The following PRSS36 variants were observed in gnomAD, a reference collection of about 807,000 sequenced individuals.
PRSS36 encodes serine protease 36, also known as polyserase-2.
Under a neutral mutation model 94.3 loss-of-function variants are expected in PRSS36, and 90 were observed. The observed-to-expected ratio is 0.95, with a 90% CI of 0.80 to 1.14. The LOEUF (loss-of-function observed/expected upper bound fraction) is 1.14. Ranked by LOEUF, PRSS36 falls within the 50% of genes most tolerant of loss-of-function variation. PRSS36 has a pLI of 0.00. For missense variants in PRSS36, 1,158 were observed against 1,135.0 expected, an observed-to-expected ratio of 1.02 and a Z score of -0.29; for synonymous variants, 500 against 489.6, an observed-to-expected ratio of 1.02 and a Z score of -0.28.
At chr16:31,144,981 G>A (rs1202011629) in intron 6 of PRSS36, among the ~76,000 whole-genome samples, 3 of 152,148 alleles carry the variant, frequency 2.0e-5, no homozygotes, top group Admixed American at 6.6e-5. Context: ...CAGCTACTTG[G>A]GAGGCTGAAG....
At position 31,142,594 on chromosome 16, in the gene PRSS36, A is replaced by T; in HGVS notation, c.1408T>A (p.Trp470Arg). The change falls in exon 10 of 15, where the codon TGG becomes AGG. Residue 470 changes from tryptophan to arginine, a missense_variant. Trp to Arg is a moderately radical substitution (Grantham distance 101). Coordinates refer to ENST00000268281, the MANE Select transcript of PRSS36 (RefSeq NM_173502.5). ...ALLEAELLGG[W>R]WCHCLYGRQG... ...CGGCCGTACAGGCAGTGGCACCACC[A>T]GCCGCCTAACAGCTCCGCCTCCAGC... The T allele has an allele frequency of 6.6e-7, 1 of 1,520,434 alleles. No individual in the cohort carries two copies. The highest frequency in any genetic ancestry group is 8.8e-7 in the Non-Finnish European group (1 of 1,138,602). The allele number at this position is 1,520,434 out of a possible 1,614,324, so 94.2% of individuals were successfully genotyped here.
intron 4 of PRSS36, 102 bp from the exon 5 acceptor site, chr16:31,148,777 A>T (rs1465643819): frequency 8.8e-6 from 13 of 1,482,514 alleles, no homozygotes; most frequent in Non-Finnish European, 1.2e-5. Context: ...GTGCTATCCG[A>T]TCCAGATTTG....
At position 31,148,420 on chromosome 16, in the gene PRSS36, G is replaced by A. The variant is rs1372220504; in HGVS notation, c.528C>T (p.Thr176=). ...CTGCCTCCTGGACGTCTCCCCAGCC[G>A]GTGGCCCAGCAGGCGGTGCCGTGCA... ...RFVHGTACWA[T]GWGDVQEADP... is the part of the protein sequence containing the mutation. The change falls in exon 5 of 15, where the codon ACC becomes ACT. Residue 176 remains threonine, a synonymous_variant. Transcript: ENST00000268281. 7.0e-6 allele frequency: 11 copies of A among 1,572,040 alleles called. No individual in the cohort carries two copies. Among genetic ancestry groups the A allele is most frequent in the African/African-American group, 5.4e-5 (4 of 73,468 alleles).
rs752069199 is a variant in PRSS36 at position 31,143,434 on chromosome 16, C to T, written c.1008G>A (p.Trp336Ter). The change falls in exon 8 of 15, where the codon TGG becomes TGA. Residue 336 changes from tryptophan to a stop codon, truncating the protein, a stop_gained. Coordinates refer to ENST00000268281, the MANE Select transcript of PRSS36 (RefSeq NM_173502.5). LOFTEE classifies it high-confidence loss of function. ...GKAPRPGAWP[W>*]EAQVMVPGSR... ...ATCCTGGCACCATCACCTGGGCCTC[C>T]CAGGGCCAGGCCCCTGGCCGCGGGG... The T allele has an allele frequency of 3.1e-6, 5 of 1,612,402 alleles. No homozygotes were observed. The highest frequency in any genetic ancestry group is 4.2e-6 in the Non-Finnish European group (5 of 1,179,400).
chr16:31,141,997 G>A (rs781231238), intron 10 of PRSS36, 37 bp from the exon 11 acceptor site: 1 of 1,570,232 alleles, frequency 6.4e-7, no homozygotes, highest in Non-Finnish European at 8.8e-7. Flanking sequence ...TTGCCTCTGC[G>A]TGTGTGCAGA....
intron 3 of PRSS36, 66 bp from the exon 4 acceptor site, chr16:31,149,301 T>A: frequency 6.6e-7 from 1 of 1,512,944 alleles, no homozygotes; most frequent in Middle Eastern, 1.9e-4. Context: ...CCCAGGTAAC[T>A]CAGGACGAAG....
In PRSS36 at chr16:31,140,653, CG is replaced by C; in HGVS notation, c.2005del (p.Arg669GlyfsTer17). 1 of 1,613,788 alleles carries C rather than the reference CG, an allele frequency of 6.2e-7. No individual in the cohort carries two copies. Among genetic ancestry groups the C allele is most frequent in the Non-Finnish European group, 8.5e-7 (1 of 1,179,880 alleles). Reference protein sequence around the residue: ...HQVSRLVISIRLPQHLGLRPP... With the variant: ...HQVSRLVISIXLPQHLGLRPP... ...CCTGAGTCCCAGGTGCTGGGGCAGCCGGATGCTGATGACCAAGCGGGATACC... is the reference window on the plus strand; with the variant it reads ...CCTGAGTCCCAGGTGCTGGGGCAGCCGATGCTGATGACCAAGCGGGATACC... On this transcript the variant is annotated frameshift_variant, in exon 13 of 15. Transcript: ENST00000268281. LOFTEE classifies it high-confidence loss of function.
chr16:31,141,392 C>CAAACAA, intron 12 of PRSS36, 77 bp downstream of exon 12: 1 of 1,480,992 alleles, frequency 6.8e-7, no homozygotes, highest in Non-Finnish European at 9.0e-7. Context: ...AACAAACAAA[C>CAAACAA]AAATAACAAA....
chr16:31,148,251 TCCACCGAC>T (rs1405851086), intron 5 of PRSS36, 136 bp downstream of exon 5: 1 of 875,114 alleles, frequency 1.1e-6, no homozygotes, highest in African/African-American at 1.8e-5. Flanking sequence ...GTGGGATTCA[TCCACCGAC>T]CCGCAGAAAC....
At position 31,141,858 on chromosome 16, in the gene PRSS36, G is replaced by A; in HGVS notation, c.1624C>T (p.Pro542Ser). Reference sequence around the variant, plus strand: ...ATCCATGGGCCATGAGTCTGCAGAGGGAAGAAGGCTCGGGGACGTAGACAG... The same window carrying A: ...ATCCATGGGCCATGAGTCTGCAGAGAGAAGAAGGCTCGGGGACGTAGACAG... ...SGCLRPRAFF[P>S]LQTHGPWISH... Residue 542 changes from proline to serine, a missense_variant, in exon 11 of 15, where the codon CCT (proline) becomes TCT (serine). Transcript: ENST00000268281. 3 of 1,614,160 alleles carry A rather than the reference G, an allele frequency of 1.9e-6. No homozygotes were observed. Among genetic ancestry groups the A allele is most frequent in the Non-Finnish European group, 2.5e-6 (3 of 1,180,038 alleles).
chr16:31,140,473 C>T lies in PRSS36; in HGVS notation c.2167+19G>A, dbSNP rs201635116. On this transcript the variant is annotated intron_variant, in intron 13 of 14. Transcript: ENST00000268281. ...CTGGCCTCCAGCTACTCCTCGTTCC[C>T]GTGACCCAGGGGTCTCACCTCGGTC... 6.6e-4 allele frequency: 1,052 copies of T among 1,595,412 alleles called. 1 individual carries two copies. The highest frequency in any genetic ancestry group is 7.8e-4 in the Non-Finnish European group (911 of 1,170,090).
chr16:31,149,683 C>T lies in PRSS36; in HGVS notation c.73+13G>A, dbSNP rs959237069. On this transcript the variant is annotated intron_variant, in intron 2 of 14. Coordinates refer to ENST00000268281, the MANE Select transcript of PRSS36 (RefSeq NM_173502.5). ...CCTCTGCACGTGACTTTCCCCCAGT[C>T]CGGCTACCTTACCTGAGTCCTGGAA... The T allele has an allele frequency of 6.2e-7, 1 of 1,614,042 alleles. No homozygotes were observed. Among genetic ancestry groups the T allele is most frequent in the African/African-American group, 1.3e-5 (1 of 74,914 alleles).
chr16:31,146,995 A>C (rs2144042200), intron 5 of PRSS36, among the ~76,000 whole-genome samples: 1 of 152,270 alleles, frequency 6.6e-6, no homozygotes, highest in East Asian at 1.9e-4. Context: ...AAAGAAAAAA[A>C]GAATTGATGA....
chr16:31,140,838 C>G (rs867609966), intron 12 of PRSS36, 81 bp from the exon 13 acceptor site: 1 of 1,499,990 alleles, frequency 6.7e-7, no homozygotes, highest in Non-Finnish European at 9.1e-7. Context: ...AAGGATGACT[C>G]TCTGGGGTCA....
rs1163119857 is a variant in PRSS36 at position 31,143,421 on chromosome 16, T to A, written c.1021A>T (p.Met341Leu). The A allele has an allele frequency of 6.2e-7, 1 of 1,612,786 alleles. No individual in the cohort carries two copies. Among genetic ancestry groups the A allele is most frequent in the East Asian group, 2.2e-5 (1 of 44,862 alleles). ...TGGCAGGGTCTGGATCCTGGCACCA[T>A]CACCTGGGCCTCCCAGGGCCAGGCC... is the stretch of plus-strand genomic sequence containing the variant. Reference protein sequence around the residue: ...PGAWPWEAQVMVPGSRPCHGA... With the variant: ...PGAWPWEAQVLVPGSRPCHGA... Residue 341 changes from methionine to leucine, a missense_variant, in exon 8 of 15, where the codon ATG (methionine) becomes TTG (leucine). Transcript: ENST00000268281.
rs201635116 is a variant in PRSS36 at position 31,140,473 on chromosome 16, C to G, written c.2167+19G>C. 6.3e-7 allele frequency: 1 copy of G among 1,595,412 alleles called. No individual in the cohort carries two copies. Among genetic ancestry groups the G allele is most frequent in the Middle Eastern group, 1.7e-4 (1 of 5,952 alleles). Reference sequence around the variant, plus strand: ...CTGGCCTCCAGCTACTCCTCGTTCCCGTGACCCAGGGGTCTCACCTCGGTC... The same window carrying G: ...CTGGCCTCCAGCTACTCCTCGTTCCGGTGACCCAGGGGTCTCACCTCGGTC... On this transcript the variant is annotated intron_variant, in intron 13 of 14. Transcript: ENST00000268281.
chr16:31,149,266 C>G, intron 3 of PRSS36, 31 bp from the exon 4 acceptor site: 3 of 1,531,080 alleles, frequency 2.0e-6, no homozygotes, highest in Non-Finnish European at 2.6e-6. Context: ...AGCCAAAGCT[C>G]CCCTCGGGTT....
In PRSS36 at chr16:31,142,646, T is replaced by C; in HGVS notation, c.1358-2A>G. The C allele has an allele frequency of 1.4e-6, 2 of 1,466,868 alleles. No homozygotes were observed. 90.9% of individuals were successfully genotyped at this position (1,466,868 alleles called of 1,614,324 possible). On this transcript the variant is annotated splice_acceptor_variant, in intron 9 of 14. Transcript: ENST00000268281. LOFTEE classifies it high-confidence loss of function. ...GCGCGCCTGGGCCAAGCGCGGGTTC[T>C]GGAAGGGAAAAGGCAGGGAGCCCGC... is the stretch of plus-strand genomic sequence containing the variant.
intron 12 of PRSS36, among the ~76,000 whole-genome samples, chr16:31,141,221 T>C (rs1052632055): frequency 8.5e-5 from 13 of 152,234 alleles, no homozygotes; most frequent in Middle Eastern, 3.4e-3. Flanking sequence ...TGCGCCCAGC[T>C]GTAAGATGCT....
Sources: gnomAD v4.1 joint callset for allele counts (sites outside exome capture counted in the v4.1 genomes callset) on GRCh38, gnomAD v4.1.1 for gene constraint, MANE v1.5 for transcripts, NCBI Gene and HGNC (gene_info 2026-07-23, HGNC 2026-07-21) for gene names.